The following ANKRD11 variants were observed in gnomAD, a reference collection of about 807,000 sequenced individuals.
ANKRD11 encodes the protein ankyrin repeat domain 11.
In ANKRD11, 17 loss-of-function variants were observed where a neutral mutation model predicts 195.7. The ratio of observed to expected loss-of-function variants is 0.09; its 90% CI spans 0.06 to 0.13. The LOEUF (loss-of-function observed/expected upper bound fraction) is 0.13. Among genes scored for constraint, ANKRD11 ranks in the 10% least tolerant of loss-of-function variants. The probability of loss-of-function intolerance (pLI) is 1.00; values close to 1 mark genes in which losing one functional copy is unlikely to be tolerated. For missense variants in ANKRD11, 3,735 were observed against 3,566.1 expected (o/e 1.05, Z -1.21); for synonymous variants, 1,953 against 1,528.1 (o/e 1.28, Z -6.49).
intron 7 of ANKRD11, 191 bp downstream of exon 7, chr16:89,288,337 G>A (rs900914228): frequency 4.7e-5 from 43 of 907,418 alleles, no homozygotes; most frequent in African/African-American, 4.9e-5. Flanking sequence ...GTGAGAGGCC[G>A]TCCAGGCTGA....
chr16:89,313,584 A>G (rs1373040479), intron 3 of ANKRD11: 2 of 1,289,008 alleles, frequency 1.6e-6, no homozygotes, highest in Non-Finnish European at 2.0e-6. Context: ...ATTCTTTTGG[A>G]AAAATCTAAA....
chr16:89,283,030 T>C lies in ANKRD11; in HGVS notation c.3512A>G (p.Gln1171Arg). The C allele has an allele frequency of 1.9e-6, 3 of 1,613,910 alleles. No homozygotes were observed. Among genetic ancestry groups the C allele is most frequent in the Non-Finnish European group, 2.5e-6 (3 of 1,180,036 alleles). The change falls in exon 9 of 13, where the codon CAG becomes CGG. Residue 1171 changes from glutamine to arginine, a missense_variant. By Grantham distance (43) the Gln-to-Arg change is conservative (BLOSUM62 1). Coordinates refer to ENST00000301030, the MANE Select transcript of ANKRD11 (RefSeq NM_013275.6). This position sits in a 1 kb window ranked among gnomAD's most constrained non-coding sequence, Gnocchi z 4.3. ...SDRHRKSSDK[Q>R]HPERQKDKEP... ...CTTGTCCTTCTGCCTCTCAGGGTGC[T>C]GCTTGTCAGAAGACTTCCTGTGTCT...
At chr16:89,278,535 G>A (rs1382738792) in intron 9 of ANKRD11, 1 of 456,652 alleles carries the variant, frequency 2.2e-6, no homozygotes, top group African/African-American at 2.0e-5. Flanking sequence ...GACAGGGTCA[G>A]GTGGAACAAG....
chr16:89,270,779 C>A (rs780934913), intron 12 of ANKRD11, 38 bp downstream of exon 12: 1 of 1,597,514 alleles, frequency 6.3e-7, no homozygotes, highest in Non-Finnish European at 8.6e-7. Flanking sequence ...GGGCAGCAGC[C>A]TCCCCCAGGC....
intron 1 of ANKRD11, among the ~76,000 whole-genome samples, chr16:89,453,912 C>T (rs532161037): frequency 4.8e-4 from 73 of 152,176 alleles, no homozygotes; most frequent in Non-Finnish European, 8.8e-4. Flanking sequence ...GGGCAAGTGG[C>T]CCAACTTCCT....
At chr16:89,273,065 G>C (rs201846161) in intron 11 of ANKRD11, 1 of 102,514 alleles carries the variant, frequency 9.8e-6, no homozygotes, top group Admixed American at 9.6e-5. Context: ...AAAAAAAAAA[G>C]AATGGATAAG....
chr16:89,338,143 C>T (rs1013991943), intron 2 of ANKRD11, among the ~76,000 whole-genome samples: 2 of 152,196 alleles, frequency 1.3e-5, no homozygotes, highest in African/African-American at 4.8e-5. Flanking sequence ...CAGGACACTG[C>T]CCCAAGCACC....
In ANKRD11 at chr16:89,291,128, G is replaced by C. The variant is rs139469151; in HGVS notation, c.282C>G (p.Ala94=). 958 of 1,613,932 alleles carry C rather than the reference G, an allele frequency of 5.9e-4. No individual in the cohort carries two copies. The highest frequency in any genetic ancestry group is 7.6e-4 in the Non-Finnish European group (891 of 1,179,962). The stretch of plus-strand genomic sequence containing the variant: ...ACAGCCCCATGCCAAACAGCAGCCC[G>C]GCCTTCCGGGTGACAGGCTCCTTCT... The part of the protein sequence containing the change: ...RIKKEPVTRK[A]GLLFGMGLSG... Residue 94 remains alanine (A), a synonymous_variant, in exon 5 of 13, where the codon GCC becomes GCG. Coordinates refer to ENST00000301030, the MANE Select transcript of ANKRD11 (RefSeq NM_013275.6). This position sits in a 1 kb window ranked among gnomAD's most constrained non-coding sequence, Gnocchi z 5.3.
intron 9 of ANKRD11, chr16:89,278,570 G>A (rs1196379753): frequency 6.6e-6 from 3 of 457,336 alleles, no homozygotes; most frequent in African/African-American, 6.0e-5. Context: ...CGAGGACCAA[G>A]CTGCCCCAAG....
At chr16:89,420,764 G>T (rs1168252172) in intron 1 of ANKRD11, among the ~76,000 whole-genome samples, 1 of 152,150 alleles carries the variant, frequency 6.6e-6, no homozygotes, top group Non-Finnish European at 1.5e-5. Context: ...TGCCAAGGCT[G>T]GGAATGGAGT....
At chr16:89,394,646 AC>A (rs2041347010) in intron 2 of ANKRD11, among the ~76,000 whole-genome samples, 1 of 151,544 alleles carries the variant, frequency 6.6e-6, no homozygotes, top group East Asian at 1.9e-4. Flanking sequence ...AAAAAAACAA[AC>A]AACCTTTTGT....
chr16:89,430,346 G>A (rs564399790), intron 1 of ANKRD11, among the ~76,000 whole-genome samples: 57 of 148,042 alleles, frequency 3.9e-4, no homozygotes, highest in Middle Eastern at 7.0e-3. Flanking sequence ...GTACACAGCA[G>A]GGACTCTCAA....
intron 1 of ANKRD11, among the ~76,000 whole-genome samples, chr16:89,430,272 ACT>A (rs1189892497): frequency 8.2e-6 from 1 of 122,502 alleles, no homozygotes; most frequent in Non-Finnish European, 1.7e-5. Flanking sequence ...GGGACTCTCA[ACT>A]CTCAGGCTCA....
intron 3 of ANKRD11, 97 bp downstream of exon 3, chr16:89,316,836 A>AGGGCGGAGAACAGGCCAC: frequency 2.1e-6 from 3 of 1,417,928 alleles, no homozygotes; most frequent in Non-Finnish European, 2.9e-6. Context: ...AAAGGGCCGG[A>AGGGCGGAGAACAGGCCAC]GGGCGGAGAA....
At chr16:89,424,485 G>C (rs1162354148) in intron 1 of ANKRD11, among the ~76,000 whole-genome samples, 1 of 151,628 alleles carries the variant, frequency 6.6e-6, no homozygotes, top group Admixed American at 6.6e-5. Context: ...CATTTCTGCT[G>C]TTCTGTGTGT....
chr16:89,288,327 G>T, intron 7 of ANKRD11: 1 of 818,810 alleles, frequency 1.2e-6, no homozygotes, highest in Non-Finnish European at 2.0e-6. Context: ...TGGGAAACCT[G>T]TGAGAGGCCG....
chr16:89,278,787 C>A (rs1298652522), intron 9 of ANKRD11: 1 of 619,712 alleles, frequency 1.6e-6, no homozygotes. Context: ...AAGGGGGAGC[C>A]CCACACGAGT....
Position 89,291,137 on chromosome 16 carries a change from G to C in ANKRD11, c.273C>G (p.Thr91=), listed in dbSNP as rs752931899. 1.9e-6 allele frequency: 3 copies of C among 1,613,974 alleles called. No homozygotes were observed. The highest frequency in any genetic ancestry group is 2.5e-6 in the Non-Finnish European group (3 of 1,179,978). The change falls in exon 5 of 13, where the codon ACC becomes ACG. Residue 91 remains threonine (T), a synonymous_variant. Coordinates refer to ENST00000301030, the MANE Select transcript of ANKRD11 (RefSeq NM_013275.6). The surrounding 1 kb of genome is among the most constrained non-coding windows in gnomAD (Gnocchi z 5.3). ...TGCCAAACAGCAGCCCGGCCTTCCG[G>C]GTGACAGGCTCCTTCTTAATCCTCT... The part of the protein sequence containing the change: ...ERKRIKKEPV[T]RKAGLLFGMG...
Position 89,283,769 on chromosome 16 carries a change from C to T in ANKRD11, c.2773G>A (p.Glu925Lys). 6.2e-7 allele frequency: 1 copy of T among 1,613,546 alleles called. No homozygotes were observed. Among genetic ancestry groups the T allele is most frequent in the Non-Finnish European group, 8.5e-7 (1 of 1,179,694 alleles). ...KNSEKRKEQT[E>K]KHKSVPGYLS... ...TAGCCAGGGACACTTTTATGCTTTT[C>T]GGTCTGCTCTTTCCTCTTCTCAGAG... Residue 925 changes from glutamate (E) to lysine (K), a missense_variant, in exon 9 of 13, where the codon GAA becomes AAA. By Grantham distance (56) the Glu-to-Lys change is moderately conservative. Coordinates refer to ENST00000301030, the MANE Select transcript of ANKRD11 (RefSeq NM_013275.6). The surrounding 1 kb of genome is among the most constrained non-coding windows in gnomAD (Gnocchi z 4.3).
Sources: gnomAD v4.1 joint callset for allele counts (sites outside exome capture counted in the v4.1 genomes callset) on GRCh38, gnomAD v4.1.1 for gene constraint, Gnocchi (gnomAD v3.1) non-coding constraint, MANE v1.5 for transcripts, NCBI Gene and HGNC (gene_info 2026-07-23, HGNC 2026-07-21) for gene names.